The following CDH11 variants were observed in gnomAD, a reference collection of about 807,000 sequenced individuals.
CDH11 encodes cadherin 11.
A neutral mutation model predicts 67.8 loss-of-function variants in CDH11; 11 were observed. The ratio of observed to expected loss-of-function variants is 0.16; its 90% CI spans 0.10 to 0.27. The LOEUF (loss-of-function observed/expected upper bound fraction) is 0.27, where lower values mean the gene tolerates loss of function less well. CDH11 is among the 10% of genes least tolerant of loss of function. The probability of loss-of-function intolerance (pLI) is 1.00; values close to 1 mark genes in which losing one functional copy is unlikely to be tolerated. For missense variants in CDH11, 847 were observed against 1,031.2 expected (o/e 0.82, Z 2.45); for synonymous variants, 419 against 400.0 (o/e 1.05, Z -0.57).
At chr16:65,012,054 C>T (rs2073194751) in intron 2 of CDH11, among the ~76,000 whole-genome samples, 1 of 152,200 alleles carries the variant, frequency 6.6e-6, no homozygotes, top group South Asian at 2.1e-4. Flanking sequence ...AATATGTAGA[C>T]TGTTCTCAAA....
chr16:65,071,469 C>T (rs750035011), intron 1 of CDH11, among the ~76,000 whole-genome samples: 3 of 152,102 alleles, frequency 2.0e-5, no homozygotes, highest in Non-Finnish European at 2.9e-5. Flanking sequence ...GGTTATGATC[C>T]ATTTATGGTG....
chr16:64,980,965 G>A (rs1212718042), intron 8 of CDH11, among the ~76,000 whole-genome samples: 1 of 152,036 alleles, frequency 6.6e-6, no homozygotes, highest in Admixed American at 6.6e-5. Context: ...CTGTAAACGT[G>A]TGATTCAAGC....
chr16:65,035,112 C>T (rs558309579), intron 2 of CDH11, among the ~76,000 whole-genome samples: 1 of 152,120 alleles, frequency 6.6e-6, no homozygotes, highest in Non-Finnish European at 1.5e-5. Flanking sequence ...GGGAACCCAG[C>T]GAGAGGAGGA....
chr16:65,112,908 G>T lies in CDH11; in HGVS notation c.-298+8972C>A, dbSNP rs1307814287. Among the ~76,000 whole-genome samples the T allele has an allele frequency of 2.0e-5, 3 of 152,144 alleles. No individual in the cohort carries two copies. The East Asian group carries it at 5.8e-4, about 29-fold the overall frequency. ...ACTTAACTGCCCAAGGATATCAGAG[G>T]GCGCAGCTTTACATAAACAAATGAA... On this transcript the variant is annotated intron_variant, in intron 1 of 12. Transcript: ENST00000268603.
At chr16:65,077,578 A>T (rs544095344) in intron 1 of CDH11, among the ~76,000 whole-genome samples, 39 of 152,248 alleles carry the variant, frequency 2.6e-4, no homozygotes, top group Admixed American at 2.4e-3. Flanking sequence ...TCTCACCTGC[A>T]CAATATCTTA....
intron 2 of CDH11, among the ~76,000 whole-genome samples, chr16:65,014,108 C>G (rs2073243085): frequency 6.6e-6 from 1 of 152,182 alleles, no homozygotes; most frequent in African/African-American, 2.4e-5. Context: ...ATACCATGCT[C>G]TAATCCAATA....
chr16:65,060,298 A>G lies in CDH11; in HGVS notation c.-297-6370T>C, dbSNP rs531650924. Reference sequence around the variant, plus strand: ...CCAAATAAAGAAGAATAAAAGTTAGAATAAGGGGAAATATCTAAGCACACC... The same window carrying G: ...CCAAATAAAGAAGAATAAAAGTTAGGATAAGGGGAAATATCTAAGCACACC... On this transcript the variant is annotated intron_variant, in intron 1 of 12. Coordinates refer to ENST00000268603, the MANE Select transcript of CDH11 (RefSeq NM_001797.4). 3.3e-5 allele frequency among the ~76,000 whole-genome samples: 5 copies of G among 151,510 alleles called. No homozygotes were observed. The East Asian group carries it at 9.8e-4, about 30-fold the overall frequency.
chr16:64,991,565 A>G (rs2142491422), intron 6 of CDH11: 3 of 503,358 alleles, frequency 6.0e-6, no homozygotes, highest in Middle Eastern at 5.5e-4. Context: ...ACATCTTTTC[A>G]TTCTCCTACT....
At chr16:65,004,584 C>A in intron 3 of CDH11, 58 bp downstream of exon 3, 2 of 1,535,374 alleles carry the variant, frequency 1.3e-6, no homozygotes, top group African/African-American at 2.7e-5. Context: ...TTTCTGGCCA[C>A]AGACGACTAT....
intron 2 of CDH11, among the ~76,000 whole-genome samples, chr16:65,005,426 G>A (rs943790179): frequency 3.3e-5 from 5 of 152,204 alleles, no homozygotes; most frequent in African/African-American, 1.2e-4. Flanking sequence ...TTAGGGAGAG[G>A]ACAGATGGCT....
chr16:65,043,003 G>C (rs2073892281), intron 2 of CDH11, among the ~76,000 whole-genome samples: 1 of 152,146 alleles, frequency 6.6e-6, no homozygotes, highest in African/African-American at 2.4e-5. Context: ...CTGGTGATGG[G>C]AGGCTTCTCT....
At chr16:64,983,828 A>G (rs2072417964) in intron 7 of CDH11, among the ~76,000 whole-genome samples, 1 of 152,240 alleles carries the variant, frequency 6.6e-6, no homozygotes, top group African/African-American at 2.4e-5. Context: ...CAAATATTAG[A>G]TAGCATTAAA....
chr16:65,039,801 A>G (rs1017320622), intron 2 of CDH11, among the ~76,000 whole-genome samples: 1 of 152,220 alleles, frequency 6.6e-6, no homozygotes, highest in Non-Finnish European at 1.5e-5. Context: ...AAATTTTTGC[A>G]GTCTACTCAT....
chr16:65,108,684 T>TTAAAA (rs1555529338), intron 1 of CDH11, among the ~76,000 whole-genome samples: 2 of 150,248 alleles, frequency 1.3e-5, no homozygotes, highest in Non-Finnish European at 3.0e-5. Context: ...AATCAATATT[T>TTAAAA]AAAAAAAAAA....
intron 11 of CDH11, among the ~76,000 whole-genome samples, chr16:64,956,006 T>C (rs1317252716): frequency 2.0e-5 from 3 of 152,126 alleles, no homozygotes; most frequent in Non-Finnish European, 4.4e-5. Context: ...TCCAGGAAAG[T>C]GTCAGATTGG....
chr16:65,102,797 A>C (rs1391568644), intron 1 of CDH11, among the ~76,000 whole-genome samples: 1 of 152,156 alleles, frequency 6.6e-6, no homozygotes, highest in African/African-American at 2.4e-5. Flanking sequence ...CCATCCTCTT[A>C]ATATGGATCC....
intron 1 of CDH11, among the ~76,000 whole-genome samples, chr16:65,058,645 T>A (rs1176817382): frequency 6.6e-6 from 1 of 152,178 alleles, no homozygotes; most frequent in African/African-American, 2.4e-5. Context: ...TAAAGCATAT[T>A]TCGTAAGCTA....
chr16:65,073,152 A>G (rs1471411466), intron 1 of CDH11, among the ~76,000 whole-genome samples: 3 of 152,232 alleles, frequency 2.0e-5, no homozygotes, highest in African/African-American at 7.2e-5. Flanking sequence ...ATGTAATTTC[A>G]CTTGCTGAAA....
intron 1 of CDH11, among the ~76,000 whole-genome samples, chr16:65,072,685 G>C (rs1457932846): frequency 6.6e-6 from 1 of 152,148 alleles, no homozygotes; most frequent in Non-Finnish European, 1.5e-5. Flanking sequence ...TTGAAGAAAA[G>C]GATGCATGAA....
Sources: allele counts gnomAD v4.1 joint callset (sites outside exome capture counted in the v4.1 genomes callset), GRCh38; gene constraint gnomAD v4.1.1; transcripts MANE v1.5; gene names NCBI Gene and HGNC (gene_info 2026-07-23, HGNC 2026-07-21).